Variants in CELA2B observed in about 807,000 individuals in gnomAD.
CELA2B encodes the protein chymotrypsin like elastase 2B.
CELA2B carries 27 observed loss-of-function variants against 36.5 expected under a neutral mutation model. The ratio of observed to expected loss-of-function variants is 0.74; its 90% CI spans 0.55 to 1.02. The LOEUF is 1.02. Ranked by LOEUF, CELA2B falls within the 50% of genes least tolerant of loss-of-function variation. The pLI, the probability that CELA2B is intolerant of heterozygous loss-of-function variation, is 0.00. For missense variants in CELA2B, 340 were observed against 347.8 expected, an observed-to-expected ratio of 0.98 and a Z score of 0.18; for synonymous variants, 143 against 148.5, an observed-to-expected ratio of 0.96 and a Z score of 0.27.
At chr1:15,477,513 T>C (rs1160413852) in intron 2 of CELA2B, among the ~76,000 whole-genome samples, 3 of 152,232 alleles carry the variant, frequency 2.0e-5, no homozygotes, top group African/African-American at 4.8e-5. Context: ...TATTTTAGAC[T>C]ATGTAAACAA....
intron 7 of CELA2B, 64 bp downstream of exon 7, chr1:15,487,501 A>G (rs893498893): frequency 1.9e-6 from 3 of 1,587,368 alleles, no homozygotes; most frequent in African/African-American, 2.7e-5. Context: ...CGGGAGTGCC[A>G]TGCCCACCTG....
chr1:15,476,580 G>A, intron 2 of CELA2B, 35 bp downstream of exon 2: 2 of 1,593,112 alleles, frequency 1.3e-6, no homozygotes, highest in Non-Finnish European at 8.6e-7. Context: ...CCCCGTCCCT[G>A]CCCCACTCCC....
intron 3 of CELA2B, 47 bp downstream of exon 3, chr1:15,481,242 C>T (rs1261341369): frequency 1.2e-6 from 2 of 1,609,656 alleles, no homozygotes; most frequent in Non-Finnish European, 1.7e-6. Context: ...AGCCGGTGCT[C>T]ATTTCTGAGC....
chr1:15,486,353 C>T (rs1209106499), intron 6 of CELA2B, among the ~76,000 whole-genome samples: 2 of 152,158 alleles, frequency 1.3e-5, no homozygotes, highest in Admixed American at 6.5e-5. Context: ...GTGGTGGGTG[C>T]CTGTAGTCAC....
At chr1:15,478,676 C>G (rs1708702132) in intron 2 of CELA2B, among the ~76,000 whole-genome samples, 1 of 151,788 alleles carries the variant, frequency 6.6e-6, no homozygotes, top group Admixed American at 6.6e-5. Context: ...AGCAATTCTC[C>G]TGCCTCAGCC....
At chr1:15,476,278 T>C (rs1341468188) in intron 1 of CELA2B, 113 bp downstream of exon 1, 10 of 1,493,950 alleles carry the variant, frequency 6.7e-6, no homozygotes, top group South Asian at 1.2e-5. Flanking sequence ...TTCAGACCTA[T>C]AATCATAAGA....
chr1:15,476,583 C>T (rs1708674316), intron 2 of CELA2B, 38 bp downstream of exon 2: 3 of 1,587,622 alleles, frequency 1.9e-6, no homozygotes, highest in South Asian at 2.2e-5. Context: ...CGTCCCTGCC[C>T]CACTCCCTTT....
At chr1:15,487,528 T>C (rs1285447352) in intron 7 of CELA2B, 91 bp downstream of exon 7, 8 of 1,513,068 alleles carry the variant, frequency 5.3e-6, no homozygotes, top group Non-Finnish European at 7.3e-6. Flanking sequence ...GAGAACCCCC[T>C]CCTTCCTCTT....
At chr1:15,483,033 C>T (rs1433851864) in intron 4 of CELA2B, among the ~76,000 whole-genome samples, 2 of 152,192 alleles carry the variant, frequency 1.3e-5, no homozygotes, top group African/African-American at 2.4e-5. Context: ...ATGATCCACT[C>T]GCCTCGGCCT....
At chr1:15,482,939 C>A (rs1708760039) in intron 4 of CELA2B, among the ~76,000 whole-genome samples, 1 of 102,564 alleles carries the variant, frequency 9.8e-6, no homozygotes, top group South Asian at 2.6e-4. Context: ...GTGCCCACCA[C>A]CACAGGCCCG....
intron 2 of CELA2B, among the ~76,000 whole-genome samples, chr1:15,477,921 G>A (rs1350823407): frequency 6.6e-5 from 10 of 152,160 alleles, no homozygotes; most frequent in Non-Finnish European, 5.9e-5. Context: ...CAGCCCACTA[G>A]CCTTGAGCAT....
intron 5 of CELA2B, among the ~76,000 whole-genome samples, chr1:15,484,138 T>C (rs1353485525): frequency 6.6e-6 from 1 of 152,132 alleles, no homozygotes; most frequent in East Asian, 1.9e-4. Context: ...CTCTGTGACC[T>C]GAGGTCTCTG....
At position 15,487,456 on chromosome 1, in the gene CELA2B, C is replaced by T. The variant is rs1708819854; in HGVS notation, c.792+19C>T. On this transcript the variant is annotated intron_variant, in intron 7 of 7. Transcript: ENST00000375910. ...CAATTCGGTAAGAACCGGAGCAGCC[C>T]TGAGCCCCAAGGCACTGACCTGCTC... 3 of 1,613,904 alleles carry T rather than the reference C, an allele frequency of 1.9e-6. 1 individual carries two copies. Among genetic ancestry groups the T allele is most frequent in the African/African-American group, 2.7e-5 (2 of 74,950 alleles).
intron 5 of CELA2B, among the ~76,000 whole-genome samples, chr1:15,484,017 G>C (rs1434080184): frequency 6.6e-6 from 1 of 152,170 alleles, no homozygotes; most frequent in African/African-American, 2.4e-5. Context: ...CCTGGCATGT[G>C]GTAGGTGCTG....
In CELA2B at chr1:15,481,183, C is replaced by T. The variant is rs1255887394; in HGVS notation, c.215C>T (p.Ala72Val). Residue 72 changes from alanine to valine, a missense_variant, in exon 3 of 8, where the codon GCC becomes GTC. Coordinates refer to ENST00000375910, the MANE Select transcript of CELA2B (RefSeq NM_015849.3). The part of the protein sequence containing the change: ...LIANSWVLTA[A>V]HCISSSGIYR... ...GCCAACAGCTGGGTCCTGACGGCTG[C>T]CCACTGCATCAGGTAACTGCCATTC... 1 of 1,614,200 alleles carries T rather than the reference C, an allele frequency of 6.2e-7. No homozygotes were observed. The highest frequency in any genetic ancestry group is 2.2e-5 in the East Asian group (1 of 44,892).
At chr1:15,478,994 G>C (rs1037148889) in intron 2 of CELA2B, among the ~76,000 whole-genome samples, 1 of 149,906 alleles carries the variant, frequency 6.7e-6, no homozygotes, top group East Asian at 2.2e-4. Context: ...GGGTTAGCCC[G>C]GGGGGGAATG....
intron 3 of CELA2B, among the ~76,000 whole-genome samples, chr1:15,482,003 T>A (rs1387442615): frequency 1.4e-5 from 2 of 139,774 alleles, no homozygotes; most frequent in African/African-American, 5.2e-5. Context: ...CATTCCTCCA[T>A]AATACTATAG....
At chr1:15,482,970 G>C (rs1347545743) in intron 4 of CELA2B, among the ~76,000 whole-genome samples, 1 of 151,978 alleles carries the variant, frequency 6.6e-6, no homozygotes, top group Non-Finnish European at 1.5e-5. Context: ...TGTATTTTTA[G>C]TAGAGACGGA....
chr1:15,476,340 C>T (rs780805131), intron 1 of CELA2B, 117 bp from the exon 2 acceptor site: 185 of 1,380,782 alleles, frequency 1.3e-4, no homozygotes, highest in Non-Finnish European at 1.8e-4. Context: ...ATTTTATGAC[C>T]TCTTGGGATC....
Sources: gnomAD v4.1 joint callset for allele counts (sites outside exome capture counted in the v4.1 genomes callset) on GRCh38, gnomAD v4.1.1 for gene constraint, MANE v1.5 for transcripts, NCBI Gene and HGNC (gene_info 2026-07-23, HGNC 2026-07-21) for gene names.